PHF14: variants seen among roughly 807,000 people sequenced by gnomAD.
PHF14 encodes the protein PHD finger protein 14.
A neutral mutation model predicts 117.9 loss-of-function variants in PHF14; 55 were observed. The ratio of observed to expected loss-of-function variants is 0.47; its 90% CI spans 0.38 to 0.58. PHF14 has a LOEUF of 0.58. Ranked by LOEUF, PHF14 falls within the 20% of genes least tolerant of loss-of-function variation. PHF14 has a pLI of 0.00. For synonymous variants in PHF14, 409 were observed against 368.6 expected, an observed-to-expected ratio of 1.11 and a Z score of -1.26; for missense variants, 978 against 1,122.2, an observed-to-expected ratio of 0.87 and a Z score of 1.84.
chr7:11,152,995 G>A (rs1788743792), intron 17 of PHF14, among the ~76,000 whole-genome samples: 1 of 152,204 alleles, frequency 6.6e-6, no homozygotes, highest in African/African-American at 2.4e-5. Flanking sequence ...AGAAGGGCCT[G>A]ATGATGTACT....
chr7:11,110,272 C>G (rs1290232003), intron 16 of PHF14: 4 of 151,816 alleles, frequency 2.6e-5, no homozygotes, highest in African/African-American at 9.7e-5. Flanking sequence ...CCCTTGGTTT[C>G]TTAATTGCAG....
At position 11,091,257 on chromosome 7, in the gene PHF14, G is replaced by A. The variant is rs77129811; in HGVS notation, c.2655-20093G>A. Among the ~76,000 whole-genome samples the A allele has an allele frequency of 5.6e-3, 849 of 152,162 alleles. 4 individuals are homozygous for A. The highest frequency in any genetic ancestry group is 9.9e-3 in the Non-Finnish European group (674 of 68,010). On this transcript the variant is annotated intron_variant, in intron 16 of 17. Transcript: ENST00000634607. ...GCAGATAATTAATGAAAAATGGAAA[G>A]GCAAGGAAGAAAGGGAAGCGTTTAA...
At chr7:11,028,288 AGT>A (rs1427228874) in intron 6 of PHF14, among the ~76,000 whole-genome samples, 1 of 152,194 alleles carries the variant, frequency 6.6e-6, no homozygotes, top group African/African-American at 2.4e-5. Context: ...GGGTACTGAA[AGT>A]GTGGATTCTG....
intron 17 of PHF14, among the ~76,000 whole-genome samples, chr7:11,156,745 AGTC>A (rs1364007985): frequency 6.6e-6 from 1 of 152,142 alleles, no homozygotes; most frequent in African/African-American, 2.4e-5. Flanking sequence ...AGTGAGCAGA[AGTC>A]GTGCCATTGC....
rs546266532 is a variant in PHF14, at chr7:11,105,014, T to A, written c.2655-6336T>A. The A allele has an allele frequency of 5.0e-5, 45 of 902,146 alleles. 1 individual carries two copies. The South Asian group carries it at 1.6e-3, about 33-fold the overall frequency. 55.9% of individuals were successfully genotyped at this position (902,146 alleles called of 1,614,324 possible). On this transcript the variant is annotated intron_variant, in intron 16 of 17. Coordinates refer to ENST00000634607, the MANE Select transcript of PHF14 (RefSeq NM_001007157.2). ...CATCTGCAACACATACAATTTTTTT[T>A]AATTTTATAAAATTTAGTTAAATGT...
At position 11,061,103 on chromosome 7, in the gene PHF14, CTG is replaced by C. The variant is rs1043472208; in HGVS notation, c.2482-685_2482-684del. On this transcript the variant is annotated intron_variant, in intron 14 of 17. Transcript: ENST00000634607. ...ACAGTGGTCTGCATATGGGGCTGTG[CTG>C]TGATTGGTGGATATTTCTAACATAT... 8.5e-5 allele frequency among the ~76,000 whole-genome samples: 13 copies of C among 152,178 alleles called. No individual in the cohort carries two copies. In the South Asian group the frequency reaches 2.5e-3, roughly 29 times the overall value.
chr7:11,064,283 G>T (rs569505029), intron 16 of PHF14, among the ~76,000 whole-genome samples: 1 of 151,626 alleles, frequency 6.6e-6, no homozygotes, highest in Non-Finnish European at 1.5e-5. Context: ...TTTGGAATTG[G>T]CACTGTTATT....
At chr7:11,161,718 A>AAATAAAAATATTATATTTTATTT (rs1272676877) in intron 17 of PHF14, among the ~76,000 whole-genome samples, 3 of 148,052 alleles carry the variant, frequency 2.0e-5, no homozygotes, top group African/African-American at 7.3e-5. Context: ...TATTTTATTT[A>AAATAAAAATATTATATTTTATTT]AATAAAAATA....
chr7:11,113,375 G>T (rs1787505297), intron 17 of PHF14, among the ~76,000 whole-genome samples: 1 of 152,008 alleles, frequency 6.6e-6, no homozygotes, highest in Non-Finnish European at 1.5e-5. Context: ...CCACAGAATG[G>T]GTCTTTGGAC....
At chr7:11,062,671 A>T in intron 16 of PHF14, 1 of 983,398 alleles carries the variant, frequency 1.0e-6, no homozygotes, top group East Asian at 1.1e-4. Context: ...TTTTAATCAG[A>T]CATAATGCTA....
intron 17 of PHF14, among the ~76,000 whole-genome samples, chr7:11,131,983 G>A (rs1788102576): frequency 6.6e-6 from 1 of 151,614 alleles, no homozygotes; most frequent in Admixed American, 6.6e-5. Context: ...TTTTTATTGT[G>A]TATATTTAAG....
At chr7:11,101,156 A>G (rs3801453) in intron 16 of PHF14, among the ~76,000 whole-genome samples, 72,684 of 151,566 alleles carry the variant, frequency 0.48, 18,052 homozygotes, top group East Asian at 0.85. Context: ...ATGTAGGGAT[A>G]TTAGCAATAG....
At chr7:11,016,401 T>A (rs1446907978) in intron 5 of PHF14, among the ~76,000 whole-genome samples, 2 of 152,000 alleles carry the variant, frequency 1.3e-5, no homozygotes, top group Non-Finnish European at 2.9e-5. Context: ...CACCATCACA[T>A]GAGATTAATT....
At chr7:11,063,958 G>C (rs530639818) in intron 16 of PHF14, among the ~76,000 whole-genome samples, 28 of 151,894 alleles carry the variant, frequency 1.8e-4, no homozygotes, top group African/African-American at 6.0e-4. Flanking sequence ...TAAAATAATG[G>C]ATATGCAAAG....
chr7:11,021,563 C>T (rs529152886), intron 5 of PHF14, among the ~76,000 whole-genome samples: 1 of 151,984 alleles, frequency 6.6e-6, no homozygotes, highest in African/African-American at 2.4e-5. Flanking sequence ...TTAAGAAGGT[C>T]AGTATGAAGC....
chr7:11,115,140 G>A (rs1787559805), intron 17 of PHF14, among the ~76,000 whole-genome samples: 1 of 151,872 alleles, frequency 6.6e-6, no homozygotes, highest in African/African-American at 2.4e-5. Flanking sequence ...TCCTATAAAA[G>A]TTTTCTTCTT....
At chr7:10,994,581 C>T (rs184611044) in intron 4 of PHF14, among the ~76,000 whole-genome samples, 7 of 152,182 alleles carry the variant, frequency 4.6e-5, no homozygotes, top group East Asian at 1.9e-4. Context: ...TTGCAGATTC[C>T]GGTACTGATT....
chr7:11,067,146 A>G (rs1785450607), intron 16 of PHF14, among the ~76,000 whole-genome samples: 4 of 152,216 alleles, frequency 2.6e-5, no homozygotes, highest in Admixed American at 2.6e-4. Context: ...AAAAATGGGC[A>G]TAGGACTTGA....
At chr7:11,054,172 G>A (rs990952157) in intron 14 of PHF14, among the ~76,000 whole-genome samples, 4 of 151,722 alleles carry the variant, frequency 2.6e-5, no homozygotes, top group South Asian at 2.1e-4. Context: ...ATGATGCTCC[G>A]GAGACCATGG....
Sources: gnomAD v4.1 joint callset for allele counts (sites outside exome capture counted in the v4.1 genomes callset) on GRCh38, gnomAD v4.1.1 for gene constraint, MANE v1.5 for transcripts, NCBI Gene and HGNC (gene_info 2026-07-23, HGNC 2026-07-21) for gene names.